Variants in DNAJC11 observed in about 807,000 individuals in gnomAD.
DNAJC11 encodes dnaJ homolog subfamily C member 11.
In DNAJC11, 15 loss-of-function variants were observed where a neutral mutation model predicts 78.6. The observed-to-expected ratio is 0.19, with a 90% CI of 0.13 to 0.29. The LOEUF is 0.29. Ranked by LOEUF, DNAJC11 falls within the 10% of genes least tolerant of loss-of-function variation. DNAJC11 has a pLI of 1.00. For synonymous variants in DNAJC11, 292 were observed against 272.1 expected, an observed-to-expected ratio of 1.07 and a Z score of -0.72; for missense variants, 547 against 709.6, an observed-to-expected ratio of 0.77 and a Z score of 2.60.
Position 6,637,255 on chromosome 1 carries a change from A to G in DNAJC11, c.1467T>C (p.Thr489=), listed in dbSNP as rs1641795098. The change falls in exon 14 of 16, where the codon ACT becomes ACC. Residue 489 remains threonine (T), a synonymous_variant. Transcript: ENST00000377577. ...CCTTCACCAGGCACTGCAGGGGCAC[A>G]GTCACGTCAATCACCTTCACCTTCT... The part of the protein sequence containing the change: ...KSEKVKVIDV[T]VPLQCLVKDS... 1.9e-6 allele frequency: 3 copies of G among 1,614,080 alleles called. No individual in the cohort carries two copies. The highest frequency in any genetic ancestry group is 2.5e-6 in the Non-Finnish European group (3 of 1,180,048).
At chr1:6,637,688 G>C (rs1641803463) in intron 12 of DNAJC11, 184 bp from the exon 13 acceptor site, 1 of 657,990 alleles carries the variant, frequency 1.5e-6, no homozygotes, top group African/African-American at 1.8e-5. Context: ...CTAGACCTAG[G>C]GCAGGCAGCT....
chr1:6,683,486 C>A (rs757501265), intron 1 of DNAJC11, among the ~76,000 whole-genome samples: 3 of 152,256 alleles, frequency 2.0e-5, no homozygotes, highest in Non-Finnish European at 4.4e-5. Flanking sequence ...ATTATAGCTC[C>A]TTTAAGCCCC....
chr1:6,634,293 C>CA lies in DNAJC11; in HGVS notation c.*1381dup. 1.1e-6 allele frequency: 1 copy of CA among 899,794 alleles called. No homozygotes were observed. Among genetic ancestry groups the CA allele is most frequent in the Non-Finnish European group, 1.6e-6 (1 of 611,314 alleles). 55.7% of individuals were successfully genotyped at this position (899,794 alleles called of 1,614,324 possible). ...GCACGGGAAGCCCGGGGCCCAGGCT[C>CA]ATGCAACACGACGCTCACCGCGGCT... On this transcript the variant is annotated 3_prime_UTR_variant, in exon 16 of 16. Transcript: ENST00000377577.
In DNAJC11 at chr1:6,653,897, G is replaced by A; in HGVS notation, c.507+14C>T. The A allele has an allele frequency of 6.2e-7, 1 of 1,611,146 alleles. No homozygotes were observed. The highest frequency in any genetic ancestry group is 1.3e-5 in the African/African-American group (1 of 74,976). ...AGCCCTTGCTGTACTCGGAGAGGTG[G>A]TTGTGTGCTTTACCTCAATGGACTG... On this transcript the variant is annotated intron_variant, in intron 5 of 15. Coordinates refer to ENST00000377577, the MANE Select transcript of DNAJC11 (RefSeq NM_018198.4). The surrounding 1 kb of genome is among the most constrained non-coding windows in gnomAD (Gnocchi z 4.5).
chr1:6,655,837 C>T (rs1348427626), intron 4 of DNAJC11, among the ~76,000 whole-genome samples: 1 of 151,608 alleles, frequency 6.6e-6, no homozygotes, highest in Admixed American at 6.6e-5. Context: ...GGTGTGGTGG[C>T]TCATGCCTGT....
chr1:6,681,167 TG>T, intron 1 of DNAJC11, 130 bp from the exon 2 acceptor site: 1 of 963,218 alleles, frequency 1.0e-6, no homozygotes, highest in Non-Finnish European at 1.5e-6. Context: ...CAGGATGTAA[TG>T]AAGTTCGGTT....
At position 6,640,017 on chromosome 1, in the gene DNAJC11, A is replaced by G. The variant is rs760625456; in HGVS notation, c.1138T>C (p.Leu380=). ...ASQTYFFPIH[L]TDQLLPSAMF... is the part of the protein sequence containing the mutation. ...GCGCTGGGCAGAAGCTGGTCCGTCA[A>G]GTGAATAGGGAAGAAGTATGTCTGA... Residue 380 remains leucine (L), a synonymous_variant, in exon 11 of 16, where the codon TTG becomes CTG. Transcript: ENST00000377577. 3 of 1,582,154 alleles carry G rather than the reference A, an allele frequency of 1.9e-6. No individual in the cohort carries two copies. The highest frequency in any genetic ancestry group is 2.4e-5 in the East Asian group (1 of 42,120).
chr1:6,676,665 G>A (rs978488516), intron 3 of DNAJC11, among the ~76,000 whole-genome samples: 33 of 151,558 alleles, frequency 2.2e-4, no homozygotes, highest in Non-Finnish European at 1.5e-4. Flanking sequence ...GGGCGACAGA[G>A]CACGCGCGCA....
chr1:6,635,791 C>A, intron 15 of DNAJC11, 91 bp from the exon 16 acceptor site: 1 of 1,506,138 alleles, frequency 6.6e-7, no homozygotes, highest in Non-Finnish European at 9.2e-7. Context: ...CCCGGACCAG[C>A]AGCTGGCTGG....
intron 10 of DNAJC11, among the ~76,000 whole-genome samples, chr1:6,641,388 A>ATATAT (rs56162109): frequency 2.6e-5 from 3 of 114,358 alleles, no homozygotes; most frequent in African/African-American, 9.5e-5. Flanking sequence ...AAAAAAAAAA[A>ATATAT]AAATATATAT....
Position 6,638,275 on chromosome 1 carries a change from A to C in DNAJC11, c.1323+20T>G. On this transcript the variant is annotated intron_variant, in intron 12 of 15. Coordinates refer to ENST00000377577, the MANE Select transcript of DNAJC11 (RefSeq NM_018198.4). ...GTGTCCCCTACAGCCCTCGCTTGGG[A>C]ACGGTGGGGCAGCACTCACAGCGGA... 1.2e-6 allele frequency: 2 copies of C among 1,609,312 alleles called. No homozygotes were observed. The highest frequency in any genetic ancestry group is 1.7e-6 in the Non-Finnish European group (2 of 1,176,590).
At chr1:6,699,942 T>C (rs1190865614) in intron 1 of DNAJC11, among the ~76,000 whole-genome samples, 2 of 152,116 alleles carry the variant, frequency 1.3e-5, no homozygotes, top group African/African-American at 4.8e-5. Context: ...ATCAAGCCTC[T>C]GAGCCCAAGC....
At chr1:6,644,484 C>T in intron 10 of DNAJC11, 74 bp downstream of exon 10, 1 of 1,129,668 alleles carries the variant, frequency 8.9e-7, no homozygotes, top group South Asian at 1.2e-5. Flanking sequence ...CTATTTCAGC[C>T]TTAACTTGGG....
chr1:6,692,354 G>A (rs535248219), intron 1 of DNAJC11, among the ~76,000 whole-genome samples: 3 of 151,624 alleles, frequency 2.0e-5, no homozygotes, highest in Non-Finnish European at 4.4e-5. Context: ...CCACTTCCCG[G>A]GCACCCTCTT....
intron 4 of DNAJC11, 155 bp from the exon 5 acceptor site, chr1:6,654,194 A>C: frequency 1.2e-6 from 1 of 840,706 alleles, no homozygotes; most frequent in Non-Finnish European, 1.8e-6. Flanking sequence ...GAAGCCCACA[A>C]AGCATGAATG....
At chr1:6,642,237 G>A (rs923882242) in intron 10 of DNAJC11, among the ~76,000 whole-genome samples, 3 of 152,084 alleles carry the variant, frequency 2.0e-5, no homozygotes, top group African/African-American at 7.2e-5. Flanking sequence ...CTGGAATTGA[G>A]GGAACCTCTG....
At chr1:6,658,809 C>T (rs1211948106) in intron 4 of DNAJC11, among the ~76,000 whole-genome samples, 1 of 152,158 alleles carries the variant, frequency 6.6e-6, no homozygotes, top group East Asian at 1.9e-4. Context: ...CCAACATAAC[C>T]ATATGACATC....
chr1:6,681,770 G>A (rs1464002957), intron 1 of DNAJC11, among the ~76,000 whole-genome samples: 2 of 152,150 alleles, frequency 1.3e-5, no homozygotes, highest in African/African-American at 4.8e-5. Flanking sequence ...GCCACCAAGA[G>A]GGTCTCTAGA....
At chr1:6,662,105 C>A (rs1004663976) in intron 4 of DNAJC11, among the ~76,000 whole-genome samples, 7 of 146,964 alleles carry the variant, frequency 4.8e-5, no homozygotes, top group African/African-American at 1.7e-4. Flanking sequence ...GAGCACGCCA[C>A]CATGCCCAGT....
Sources: allele counts gnomAD v4.1 joint callset (sites outside exome capture counted in the v4.1 genomes callset), GRCh38; gene constraint gnomAD v4.1.1; non-coding constraint Gnocchi (gnomAD v3.1); transcripts MANE v1.5; gene names NCBI Gene and HGNC (gene_info 2026-07-23, HGNC 2026-07-21).